The following SCNN1G variants were observed in gnomAD, a reference collection of about 807,000 sequenced individuals.
The protein encoded by SCNN1G is sodium channel epithelial 1 subunit gamma.
In SCNN1G, 27 loss-of-function variants were observed where a neutral mutation model predicts 64.6. That is an observed-to-expected ratio of 0.42 (90% CI 0.31 to 0.58). The LOEUF (loss-of-function observed/expected upper bound fraction) is 0.58. Among genes scored for constraint, SCNN1G ranks in the 20% least tolerant of loss-of-function variants. The pLI, the probability that SCNN1G is intolerant of heterozygous loss-of-function variation, is 0.18. For missense variants in SCNN1G, 743 were observed against 823.4 expected (o/e 0.90, Z 1.19); for synonymous variants, 330 against 314.2 (o/e 1.05, Z -0.53).
At position 23,204,312 on chromosome 16, in the gene SCNN1G, T is replaced by TATATATAC. The variant is rs1959946206; in HGVS notation, c.1078-5431_1078-5430insCATATATA. Among the ~76,000 whole-genome samples the TATATATAC allele has an allele frequency of 2.5e-5, 2 of 79,896 alleles. 1 individual carries two copies. Among genetic ancestry groups the TATATATAC allele is most frequent in the African/African-American group, 9.2e-5 (2 of 21,850 alleles). The allele number at this position is 79,896 out of a possible 152,430, so 52.4% of individuals were successfully genotyped here. A position where few individuals can be genotyped will look rare whatever the true frequency, so the allele number is the denominator to read the frequency against. On this transcript the variant is annotated intron_variant, in intron 6 of 12. Coordinates refer to ENST00000300061, the MANE Select transcript of SCNN1G (RefSeq NM_001039.4). ...ACATATATATATATATATATATATA[T>TATATATAC]ATATATATATATATATATATATAGA...
chr16:23,204,310 T>TATATATATATATAC (rs1959945621), intron 6 of SCNN1G, among the ~76,000 whole-genome samples: 2 of 75,596 alleles, frequency 2.6e-5, no homozygotes, highest in African/African-American at 4.9e-5. Flanking sequence ...TATATATATA[T>TATATATATATATAC]ATATATATAT....
At position 23,215,329 on chromosome 16, in the gene SCNN1G, A is replaced by C. The variant is rs528262449; in HGVS notation, c.1810A>C (p.Thr604Pro). Residue 604 changes from threonine to proline, a missense_variant, in exon 13 of 13, where the codon ACT (threonine) becomes CCT (proline). Transcript: ENST00000300061. ...CCTGGATATAGACGATGACCTACCC[A>C]CTTTCAACTCTGCTTTGCACCTGCC... is the stretch of plus-strand genomic sequence containing the variant. ...PALDIDDDLPTFNSALHLPPA... is the reference protein window; with the variant it reads ...PALDIDDDLPPFNSALHLPPA... 1.5e-5 allele frequency: 24 copies of C among 1,614,004 alleles called. No homozygotes were observed. The African/African-American group carries it at 3.1e-4, about 21-fold the overall frequency.
At chr16:23,184,635 A>G (rs1467668620) in intron 1 of SCNN1G, among the ~76,000 whole-genome samples, 1 of 151,892 alleles carries the variant, frequency 6.6e-6, no homozygotes, top group Non-Finnish European at 1.5e-5. Flanking sequence ...CATGCCCAGC[A>G]CTCCATTTCC....
intron 2 of SCNN1G, among the ~76,000 whole-genome samples, chr16:23,186,851 G>T (rs1959615548): frequency 1.3e-5 from 2 of 151,918 alleles, no homozygotes; most frequent in Admixed American, 1.3e-4. Flanking sequence ...CGCTCTTGTT[G>T]CCCAGGCTGG....
chr16:23,213,641 A>G (rs1393087834), intron 11 of SCNN1G, among the ~76,000 whole-genome samples: 1 of 152,172 alleles, frequency 6.6e-6, no homozygotes, highest in Non-Finnish European at 1.5e-5. Flanking sequence ...GTGAACTCAC[A>G]TTTCTCTAAG....
chr16:23,208,622 C>A (rs1162446161), intron 6 of SCNN1G, among the ~76,000 whole-genome samples: 1 of 149,680 alleles, frequency 6.7e-6, no homozygotes, highest in African/African-American at 2.5e-5. Flanking sequence ...CCTCCCCTCC[C>A]CTTCCCTTCC....
At chr16:23,212,235 C>G in intron 8 of SCNN1G, 84 bp downstream of exon 8, 1 of 877,176 alleles carries the variant, frequency 1.1e-6, no homozygotes. Context: ...GGGACTCCAC[C>G]CCTGTTGCCT....
At position 23,189,349 on chromosome 16, in the gene SCNN1G, CTT is replaced by C. The variant is rs1223342109; in HGVS notation, c.318-19_318-18del. ...CCAGGGCCGCCTCCCCTCTCCCTGA[CTT>C]TTCCTCCCCACCTTGGCAGGTACAG... On this transcript the variant is annotated intron_variant, in intron 2 of 12. Coordinates refer to ENST00000300061, the MANE Select transcript of SCNN1G (RefSeq NM_001039.4). 17 of 1,611,746 alleles carry C rather than the reference CTT, an allele frequency of 1.1e-5. No homozygotes were observed. In the South Asian group the frequency reaches 1.4e-4, roughly 14 times the overall value.
rs1395489330 is a variant in SCNN1G, at chr16:23,185,994, CTGG to C, written c.-44-233_-44-231del. On this transcript the variant is annotated intron_variant, in intron 1 of 12. Transcript: ENST00000300061. ...TCACCCAGCCCCCGCACGGCTAGGC[CTGG>C]GGGCCGTAAGAGAAGTAGGCAGCTT... is the stretch of plus-strand genomic sequence containing the variant. 0.011 allele frequency among the ~76,000 whole-genome samples: 1,675 copies of C among 152,332 alleles called. 27 individuals are homozygous for C. Among genetic ancestry groups the C allele is most frequent in the African/African-American group, 0.035 (1,458 of 41,562 alleles).
At chr16:23,204,778 A>G (rs1959963544) in intron 6 of SCNN1G, among the ~76,000 whole-genome samples, 2 of 152,010 alleles carry the variant, frequency 1.3e-5, no homozygotes, top group Admixed American at 1.3e-4. Context: ...GTTTGCTTCC[A>G]GTTATTTTAT....
intron 2 of SCNN1G, 41 bp downstream of exon 2, chr16:23,186,629 C>A: frequency 6.4e-7 from 1 of 1,559,950 alleles, no homozygotes; most frequent in Non-Finnish European, 8.8e-7. Context: ...GGGAGCCAGG[C>A]CCCCCACAGA....
intron 6 of SCNN1G, among the ~76,000 whole-genome samples, chr16:23,206,540 A>G (rs2141941195): frequency 6.6e-6 from 1 of 152,244 alleles, no homozygotes; most frequent in African/African-American, 2.4e-5. Context: ...ACCTGAGCCC[A>G]GGAGGTCAAG....
Position 23,194,110 on chromosome 16 carries a change from C to T in SCNN1G, c.810-61C>T. 10 of 1,162,848 alleles carry T rather than the reference C, an allele frequency of 8.6e-6. No individual in the cohort carries two copies. In the East Asian group the frequency reaches 1.4e-4, roughly 16 times the overall value. 72.0% of individuals were successfully genotyped at this position (1,162,848 alleles called of 1,614,324 possible). On this transcript the variant is annotated intron_variant, in intron 4 of 12. Coordinates refer to ENST00000300061, the MANE Select transcript of SCNN1G (RefSeq NM_001039.4). The stretch of plus-strand genomic sequence containing the variant: ...AGTTGGCTCCATTAGCACTGCCCTG[C>T]CCAACTTCAGCTAAGATGCATGGGG...
At chr16:23,187,270 A>T (rs944548398) in intron 2 of SCNN1G, among the ~76,000 whole-genome samples, 2 of 151,738 alleles carry the variant, frequency 1.3e-5, no homozygotes, top group Non-Finnish European at 2.9e-5. Context: ...CACCACATCC[A>T]GCTAAAATTT....
chr16:23,205,961 G>T (rs1194599113), intron 6 of SCNN1G, among the ~76,000 whole-genome samples: 4 of 152,192 alleles, frequency 2.6e-5, no homozygotes, highest in Admixed American at 6.5e-5. Context: ...GCTGGGGGAG[G>T]AAGTCCTTTT....
intron 3 of SCNN1G, 87 bp from the exon 4 acceptor site, chr16:23,192,265 G>A (rs1959720635): frequency 9.3e-7 from 1 of 1,071,690 alleles, no homozygotes; most frequent in Non-Finnish European, 1.5e-6. Context: ...TATCTGGCCT[G>A]GAGTCTCAGT....
In SCNN1G at chr16:23,186,268, C is replaced by T. The variant is rs1362926578; in HGVS notation, c.-4C>T. The T allele has an allele frequency of 3.1e-6, 5 of 1,614,086 alleles. No individual in the cohort carries two copies. Among genetic ancestry groups the T allele is most frequent in the South Asian group, 1.1e-5 (1 of 91,078 alleles). On this transcript the variant is annotated 5_prime_UTR_variant, in exon 2 of 13. Coordinates refer to ENST00000300061, the MANE Select transcript of SCNN1G (RefSeq NM_001039.4). ...AGTCCCGTCCTCAAAGTCCCATCCT[C>T]GCCATGGCACCCGGAGAGAAGATCA...
At chr16:23,192,036 T>A (rs1208536386) in intron 3 of SCNN1G, among the ~76,000 whole-genome samples, 1 of 152,044 alleles carries the variant, frequency 6.6e-6, no homozygotes, top group Admixed American at 6.6e-5. Context: ...AGGAACGTAG[T>A]AGCATCAATC....
chr16:23,210,618 G>T (rs1290663180), intron 7 of SCNN1G, among the ~76,000 whole-genome samples: 3 of 152,066 alleles, frequency 2.0e-5, no homozygotes, highest in Non-Finnish European at 2.9e-5. Context: ...CTCCTACCAG[G>T]ATACCCCAGA....
Sources: allele counts gnomAD v4.1 joint callset (sites outside exome capture counted in the v4.1 genomes callset), GRCh38; gene constraint gnomAD v4.1.1; transcripts MANE v1.5; gene names NCBI Gene and HGNC (gene_info 2026-07-23, HGNC 2026-07-21).